Variants in USP47 observed in about 807,000 individuals in gnomAD.
USP47 encodes ubiquitin specific peptidase 47.
Under a neutral mutation model 165.1 loss-of-function variants are expected in USP47, and 35 were observed. The observed-to-expected ratio is 0.21, with a 90% CI of 0.16 to 0.28. The LOEUF (loss-of-function observed/expected upper bound fraction) is 0.28, where lower values mean the gene tolerates loss of function less well. Among genes scored for constraint, USP47 ranks in the 10% least tolerant of loss-of-function variants. The pLI, the probability that USP47 is intolerant of heterozygous loss-of-function variation, is 1.00. For missense variants in USP47, 1,277 were observed against 1,607.4 expected, an observed-to-expected ratio of 0.79 and a Z score of 3.52; for synonymous variants, 531 against 544.5, an observed-to-expected ratio of 0.98 and a Z score of 0.35.
Position 11,948,512 on chromosome 11 carries a change from G to A in USP47, c.3302G>A (p.Gly1101Glu), listed in dbSNP as rs1389319431. ...TIRLGRALKK[G>E]EYRVKVYQLL... is the part of the protein sequence containing the mutation. The stretch of plus-strand genomic sequence containing the variant: ...AGACTGGGGAGAGCACTTAAAAAAG[G>A]AGAATACAGAGTTAAAGTATACCAG... Residue 1101 changes from glycine to glutamate, a missense_variant, in exon 22 of 28, where the codon GGA becomes GAA. Coordinates refer to ENST00000527733, the MANE Select transcript of USP47 (RefSeq NM_001282659.2). 1 of 1,612,986 alleles carries A rather than the reference G, an allele frequency of 6.2e-7. No homozygotes were observed. The highest frequency in any genetic ancestry group is 8.5e-7 in the Non-Finnish European group (1 of 1,179,308).
At chr11:11,923,078 A>G (rs1853975054) in intron 11 of USP47, among the ~76,000 whole-genome samples, 187 bp downstream of exon 11, 1 of 131,038 alleles carries the variant, frequency 7.6e-6, no homozygotes, top group African/African-American at 3.1e-5. Context: ...ATATATATAT[A>G]TATATATGAC....
At chr11:11,931,239 C>T (rs571697707) in intron 14 of USP47, among the ~76,000 whole-genome samples, 7 of 151,976 alleles carry the variant, frequency 4.6e-5, no homozygotes, top group Admixed American at 3.3e-4. Flanking sequence ...TAGACACTAC[C>T]GTTGCTATTA....
At chr11:11,858,245 A>G (rs1464233922) in intron 1 of USP47, among the ~76,000 whole-genome samples, 1 of 152,050 alleles carries the variant, frequency 6.6e-6, no homozygotes, top group Non-Finnish European at 1.5e-5. Flanking sequence ...TCCACCGGTA[A>G]CGGTTAAATA....
intron 3 of USP47, among the ~76,000 whole-genome samples, chr11:11,887,887 ACAAT>A (rs1367311101): frequency 6.6e-6 from 1 of 152,132 alleles, no homozygotes; most frequent in Non-Finnish European, 1.5e-5. Flanking sequence ...AGACCATAGC[ACAAT>A]CAAACTAGAA....
chr11:11,929,331 A>G, intron 11 of USP47, 103 bp from the exon 12 acceptor site: 1 of 1,477,698 alleles, frequency 6.8e-7, no homozygotes, highest in South Asian at 1.4e-5. Context: ...ATATAGGACA[A>G]CTTACCATGT....
intron 2 of USP47, among the ~76,000 whole-genome samples, chr11:11,883,020 G>C (rs537717169): frequency 4.5e-4 from 69 of 152,166 alleles, no homozygotes; most frequent in African/African-American, 1.5e-3. Context: ...TGCTTACTGC[G>C]TAGTGCTGAA....
intron 1 of USP47, 120 bp downstream of exon 1, chr11:11,842,344 G>A: frequency 8.9e-7 from 1 of 1,129,704 alleles, no homozygotes; most frequent in South Asian, 1.6e-5. Flanking sequence ...GGGGAATGAG[G>A]AGGCGTGAGG....
chr11:11,937,061 C>T (rs1855123891), intron 17 of USP47, among the ~76,000 whole-genome samples: 1 of 151,816 alleles, frequency 6.6e-6, no homozygotes, highest in Admixed American at 6.6e-5. Context: ...ATCACATTCA[C>T]TCAGCACATT....
chr11:11,892,622 G>A (rs1851602948), intron 4 of USP47, among the ~76,000 whole-genome samples: 1 of 150,568 alleles, frequency 6.6e-6, no homozygotes, highest in Admixed American at 6.6e-5. Flanking sequence ...ACCAGCCTGG[G>A]CAACCTAGCC....
At chr11:11,887,028 A>G (rs1205054253) in intron 3 of USP47, among the ~76,000 whole-genome samples, 1 of 152,182 alleles carries the variant, frequency 6.6e-6, no homozygotes, top group African/African-American at 2.4e-5. Context: ...AGACGAGCAA[A>G]TGCTGAGAGA....
rs745411791 is a variant in USP47, at chr11:11,936,383, G to T, written c.1950G>T (p.Arg650=). The T allele has an allele frequency of 3.1e-6, 5 of 1,610,154 alleles. No individual in the cohort carries two copies. The Admixed American group carries it at 5.0e-5, about 16-fold the overall frequency. ...ATGAGTTTCATGATTATCTAGAACG[G>T]TCATATGAAGGAGAAGAAGATACAC... The part of the protein sequence containing the change: ...KYDEFHDYLE[R]SYEGEEDTPM... Residue 650 remains arginine (R), a synonymous_variant, in exon 17 of 28, where the codon CGG becomes CGT. Transcript: ENST00000527733.
chr11:11,902,985 T>C (rs1852323723), intron 6 of USP47, 125 bp downstream of exon 6: 1 of 1,069,962 alleles, frequency 9.3e-7, no homozygotes, highest in Non-Finnish European at 1.3e-6. Flanking sequence ...TTTGTTGTCA[T>C]ATATTTTCTA....
intron 1 of USP47, among the ~76,000 whole-genome samples, chr11:11,854,937 C>CA (rs1171161829): frequency 2.5e-5 from 3 of 121,746 alleles, no homozygotes; most frequent in Admixed American, 8.2e-5. Context: ...ACCAAAAATA[C>CA]AAAAAAAATT....
At chr11:11,865,131 G>T (rs1003480149) in intron 1 of USP47, among the ~76,000 whole-genome samples, 8 of 152,220 alleles carry the variant, frequency 5.3e-5, no homozygotes, top group Admixed American at 5.2e-4. Context: ...TCTTGAGATG[G>T]ATTTCTTTAG....
chr11:11,842,303 C>A, intron 1 of USP47, 79 bp downstream of exon 1: 3 of 1,473,498 alleles, frequency 2.0e-6, no homozygotes, highest in Non-Finnish European at 2.7e-6. Context: ...GGTTCGGCTG[C>A]GGGCCCGGCC....
intron 2 of USP47, among the ~76,000 whole-genome samples, chr11:11,882,816 A>G (rs959473898): frequency 3.3e-5 from 5 of 152,182 alleles, no homozygotes; most frequent in African/African-American, 1.2e-4. Context: ...AACCTCGTAT[A>G]AATTTCATAT....
intron 25 of USP47, among the ~76,000 whole-genome samples, chr11:11,954,340 G>A (rs1021984677): frequency 1.3e-5 from 2 of 152,088 alleles, no homozygotes; most frequent in African/African-American, 4.8e-5. Context: ...TGCGATCTTG[G>A]CTCACTGCAG....
chr11:11,891,607 A>T (rs1851518935), intron 3 of USP47, among the ~76,000 whole-genome samples: 1 of 152,206 alleles, frequency 6.6e-6, no homozygotes, highest in South Asian at 2.1e-4. Context: ...CCTTTTCAGC[A>T]TCTTCCTTAT....
chr11:11,938,115 T>C (rs997652752), intron 17 of USP47, 142 bp from the exon 18 acceptor site: 9 of 632,876 alleles, frequency 1.4e-5, no homozygotes, highest in Non-Finnish European at 2.4e-5. Context: ...ACTGGTGATT[T>C]ATATTTATTC....
Sources: allele counts gnomAD v4.1 joint callset (sites outside exome capture counted in the v4.1 genomes callset), GRCh38; gene constraint gnomAD v4.1.1; transcripts MANE v1.5; gene names NCBI Gene and HGNC (gene_info 2026-07-23, HGNC 2026-07-21).